Variants in MTMR7 observed in about 807,000 individuals in gnomAD.
The protein encoded by MTMR7 is myotubularin related protein 7.
Under a neutral mutation model 81.2 loss-of-function variants are expected in MTMR7, and 76 were observed. The observed-to-expected ratio is 0.94, with a 90% CI of 0.78 to 1.13. The LOEUF is 1.13. Ranked by LOEUF, MTMR7 falls within the 50% of genes most tolerant of loss-of-function variation. The pLI is 0.00. For synonymous variants in MTMR7, 372 were observed against 289.8 expected, an observed-to-expected ratio of 1.28 and a Z score of -2.88; for missense variants, 1,044 against 820.0, an observed-to-expected ratio of 1.27 and a Z score of -3.34.
chr8:17,370,248 G>C (rs980037165), intron 3 of MTMR7, among the ~76,000 whole-genome samples: 1 of 151,838 alleles, frequency 6.6e-6, no homozygotes, highest in Non-Finnish European at 1.5e-5. Context: ...GGAGGTGCAG[G>C]CATGGTAGTT....
chr8:17,303,372 G>C (rs897451008), intron 12 of MTMR7, among the ~76,000 whole-genome samples: 7 of 152,102 alleles, frequency 4.6e-5, no homozygotes, highest in African/African-American at 1.4e-4. Context: ...AAAACCTTGA[G>C]AAACGAAATC....
intron 7 of MTMR7, among the ~76,000 whole-genome samples, chr8:17,325,533 T>C: frequency 6.6e-6 from 1 of 152,210 alleles, no homozygotes; most frequent in Non-Finnish European, 1.5e-5. Flanking sequence ...TGGATCTGCT[T>C]GGCCCCCTTT....
intron 6 of MTMR7, among the ~76,000 whole-genome samples, chr8:17,336,870 A>G (rs1170587013): frequency 6.6e-6 from 1 of 152,128 alleles, no homozygotes; most frequent in East Asian, 1.9e-4. Context: ...TCTGCTGGAG[A>G]ATTTTTGTAA....
intron 1 of MTMR7, among the ~76,000 whole-genome samples, chr8:17,373,719 A>G (rs994846495): frequency 6.6e-6 from 1 of 152,242 alleles, no homozygotes; most frequent in East Asian, 1.9e-4. Flanking sequence ...AAGTATAAAC[A>G]TACATACGGG....
In MTMR7 at chr8:17,361,138, G is replaced by T. The variant is rs769468346; in HGVS notation, c.447C>A (p.Ser149Arg). ...TCACTCTGTAGTCTCTATTCACATCGCTGAGCTGCCAGTAATGATTAGGGA... is the reference window on the plus strand; with the variant it reads ...TCACTCTGTAGTCTCTATTCACATCTCTGAGCTGCCAGTAATGATTAGGGA... ...MGLPNHYWQL[S>R]DVNRDYRVCD... The change falls in exon 4 of 14, where the codon AGC (serine) becomes AGA (arginine). Residue 149 changes from serine (S) to arginine (R), a missense_variant. Transcript: ENST00000180173. The T allele has an allele frequency of 6.2e-7, 1 of 1,614,072 alleles. No homozygotes were observed. Among genetic ancestry groups the T allele is most frequent in the African/African-American group, 1.3e-5 (1 of 75,034 alleles).
chr8:17,333,101 T>G (rs1436094867), intron 6 of MTMR7, among the ~76,000 whole-genome samples: 1 of 152,162 alleles, frequency 6.6e-6, no homozygotes, highest in Non-Finnish European at 1.5e-5. Context: ...CACATTTCAA[T>G]AGCAGCCCTG....
intron 2 of MTMR7, 84 bp downstream of exon 2, chr8:17,373,034 C>A: frequency 1.9e-6 from 3 of 1,538,872 alleles, no homozygotes; most frequent in Middle Eastern, 1.7e-4. Context: ...ACCCATCTCA[C>A]CCTGAGGAAA....
intron 7 of MTMR7, among the ~76,000 whole-genome samples, chr8:17,329,714 A>G (rs1818894195): frequency 6.6e-6 from 1 of 152,214 alleles, no homozygotes; most frequent in Non-Finnish European, 1.5e-5. Context: ...CCTTTCCAAT[A>G]ACAGTACCAA....
intron 1 of MTMR7, among the ~76,000 whole-genome samples, chr8:17,408,075 T>C (rs892831999): frequency 5.9e-5 from 9 of 152,190 alleles, no homozygotes; most frequent in African/African-American, 1.9e-4. Context: ...ACCTAAAAAG[T>C]GGAAACCATC....
intron 6 of MTMR7, among the ~76,000 whole-genome samples, chr8:17,334,065 T>A (rs1002124869): frequency 3.9e-5 from 6 of 152,236 alleles, no homozygotes; most frequent in African/African-American, 1.4e-4. Flanking sequence ...GGAGAACTGA[T>A]TGGTAATCTC....
rs1365546858 is a variant in MTMR7 at position 17,299,829 on chromosome 8, G to A, written c.*33C>T. On this transcript the variant is annotated 3_prime_UTR_variant, in exon 14 of 14. Coordinates refer to ENST00000180173, the MANE Select transcript of MTMR7 (RefSeq NM_004686.5). Reference sequence around the variant, plus strand: ...CCTTGTTTTTGGAAGTGTTGCTTATGTGTCCTTTACTTTGGAACTCCAAAG... The same window carrying A: ...CCTTGTTTTTGGAAGTGTTGCTTATATGTCCTTTACTTTGGAACTCCAAAG... 4 of 1,607,828 alleles carry A rather than the reference G, an allele frequency of 2.5e-6. No individual in the cohort carries two copies. Among genetic ancestry groups the A allele is most frequent in the Non-Finnish European group, 2.6e-6 (3 of 1,175,996 alleles).
chr8:17,316,702 C>T (rs558459710), intron 7 of MTMR7, among the ~76,000 whole-genome samples: 3 of 152,238 alleles, frequency 2.0e-5, no homozygotes, highest in African/African-American at 7.2e-5. Flanking sequence ...AAAACCAATC[C>T]AGTGTAACGA....
intron 1 of MTMR7, among the ~76,000 whole-genome samples, chr8:17,381,919 G>A (rs1286860033): frequency 3.3e-5 from 5 of 152,176 alleles, no homozygotes; most frequent in South Asian, 4.1e-4. Context: ...GCTGGGAGCA[G>A]GCAGTTTAGA....
At chr8:17,344,308 A>G (rs1415964373) in intron 5 of MTMR7, among the ~76,000 whole-genome samples, 1 of 152,182 alleles carries the variant, frequency 6.6e-6, no homozygotes, top group Non-Finnish European at 1.5e-5. Flanking sequence ...GCAGCACAAT[A>G]CCTTATTAAG....
chr8:17,317,123 CTT>C (rs916909662), intron 7 of MTMR7, among the ~76,000 whole-genome samples: 1 of 152,106 alleles, frequency 6.6e-6, no homozygotes, highest in African/African-American at 2.4e-5. Context: ...AATTTGCTTG[CTT>C]ATATGTGTGT....
intron 1 of MTMR7, among the ~76,000 whole-genome samples, chr8:17,401,859 T>A (rs955007167): frequency 2.0e-5 from 3 of 152,116 alleles, no homozygotes; most frequent in Non-Finnish European, 4.4e-5. Flanking sequence ...CTATTAGATA[T>A]ACAAATTATT....
intron 7 of MTMR7, among the ~76,000 whole-genome samples, chr8:17,316,250 C>T (rs1419259163): frequency 6.6e-6 from 1 of 151,680 alleles, no homozygotes; most frequent in Non-Finnish European, 1.5e-5. Flanking sequence ...TACTATTATT[C>T]TCAAATAATA....
At chr8:17,321,865 AT>A (rs1349585350) in intron 7 of MTMR7, among the ~76,000 whole-genome samples, 27 of 152,264 alleles carry the variant, frequency 1.8e-4, no homozygotes, top group Admixed American at 6.5e-5. Context: ...CAGTAAAAAA[AT>A]AAAAAAGCAA....
chr8:17,361,443 C>A (rs1254118585), intron 3 of MTMR7, among the ~76,000 whole-genome samples, 169 bp from the exon 4 acceptor site: 1 of 152,204 alleles, frequency 6.6e-6, no homozygotes, highest in African/African-American at 2.4e-5. Context: ...CCCCCACTTC[C>A]TCCCACCAAT....
Sources: allele counts gnomAD v4.1 joint callset (sites outside exome capture counted in the v4.1 genomes callset), GRCh38; gene constraint gnomAD v4.1.1; transcripts MANE v1.5; gene names NCBI Gene and HGNC (gene_info 2026-07-23, HGNC 2026-07-21).